MCMBP: variants seen among roughly 807,000 people sequenced by gnomAD.
MCMBP encodes the protein mini-chromosome maintenance complex-binding protein.
A neutral mutation model predicts 81.3 loss-of-function variants in MCMBP; 31 were observed. The observed-to-expected ratio is 0.38, with a 90% CI of 0.29 to 0.51. The LOEUF (loss-of-function observed/expected upper bound fraction) is 0.51. MCMBP is among the 20% of genes least tolerant of loss of function. The pLI, the probability that MCMBP is intolerant of heterozygous loss-of-function variation, is 0.87. For missense variants in MCMBP, 645 were observed against 772.1 expected (o/e 0.84, Z 1.95); for synonymous variants, 267 against 275.9 (o/e 0.97, Z 0.32).
chr10:119,859,560 C>T (rs1853176096), intron 2 of MCMBP, among the ~76,000 whole-genome samples: 2 of 152,088 alleles, frequency 1.3e-5, no homozygotes, highest in Non-Finnish European at 2.9e-5. Context: ...ACTCTTGCAA[C>T]TAAAGATTTG....
chr10:119,850,855 T>G (rs1852794395), intron 6 of MCMBP, among the ~76,000 whole-genome samples: 1 of 148,958 alleles, frequency 6.7e-6, no homozygotes, highest in African/African-American at 2.5e-5. Flanking sequence ...AAGTAGAGGC[T>G]AAAAGGTATA....
chr10:119,857,144 AT>A (rs1249543932), intron 5 of MCMBP, among the ~76,000 whole-genome samples, 193 bp downstream of exon 5: 1 of 151,570 alleles, frequency 6.6e-6, no homozygotes, highest in Non-Finnish European at 1.5e-5. Flanking sequence ...TTTTAACAGT[AT>A]TTCACTATAG....
At chr10:119,833,488 GAAAGAAAAAA>G (rs1852122720) in intron 14 of MCMBP, among the ~76,000 whole-genome samples, 2 of 149,862 alleles carry the variant, frequency 1.3e-5, no homozygotes, top group Non-Finnish European at 3.0e-5. Flanking sequence ...AAAAAAAAAA[GAAAGAAAAAA>G]AAAGAAAAGA....
intron 1 of MCMBP, among the ~76,000 whole-genome samples, chr10:119,864,677 T>C (rs890958828): frequency 1.3e-5 from 2 of 152,032 alleles, no homozygotes; most frequent in Non-Finnish European, 2.9e-5. Flanking sequence ...TTCTTTCTTC[T>C]GTTTAATTTG....
intron 7 of MCMBP, among the ~76,000 whole-genome samples, chr10:119,848,429 T>C (rs377491010): frequency 1.3e-5 from 2 of 151,916 alleles, no homozygotes. Flanking sequence ...CTGGCCAACA[T>C]AGTGAAACCC....
intron 9 of MCMBP, chr10:119,842,861 C>T (rs1454229004): frequency 7.8e-6 from 3 of 383,146 alleles, no homozygotes; most frequent in Non-Finnish European, 1.5e-5. Context: ...GCCTCCAGTT[C>T]TCCTGCCTCA....
At chr10:119,870,379 G>A (rs558058831) in intron 1 of MCMBP, among the ~76,000 whole-genome samples, 95 of 152,170 alleles carry the variant, frequency 6.2e-4, no homozygotes, top group African/African-American at 2.1e-3. Flanking sequence ...CCCAGGAGGC[G>A]GAGGTTGCAG....
Position 119,857,351 on chromosome 10 carries a change from G to A in MCMBP, c.416C>T (p.Thr139Met), listed in dbSNP as rs142836542. Residue 139 changes from threonine to methionine, a missense_variant, in exon 5 of 16, where the codon ACG becomes ATG. Physicochemically the swap from Thr to Met is moderately conservative, Grantham distance 81 (BLOSUM62 -1). Transcript: ENST00000369077. ...FYCVPVPGES[T>M]WVKEAYVNAN... Reference sequence around the variant, plus strand: ...GATAAAGGATATTTCTTTTACCCACGTAGATTCCCCAGGCACCGGAACACA... The same window carrying A: ...GATAAAGGATATTTCTTTTACCCACATAGATTCCCCAGGCACCGGAACACA... 226 of 1,608,002 alleles carry A rather than the reference G, an allele frequency of 1.4e-4. No individual in the cohort carries two copies. Among genetic ancestry groups the A allele is most frequent in the South Asian group, 2.0e-4 (18 of 90,552 alleles).
In MCMBP at chr10:119,840,856, T is replaced by C; in HGVS notation, c.1229A>G (p.His410Arg). Residue 410 changes from histidine (H) to arginine (R), a missense_variant, in exon 11 of 16, where the codon CAT becomes CGT. By Grantham distance (29) the His-to-Arg change is conservative. Coordinates refer to ENST00000369077, the MANE Select transcript of MCMBP (RefSeq NM_001256378.2). ...TATTCATCTTACTGCTGGAACAAGA[T>C]GTTGAATAATTCGATACAAGTGTTC... is the stretch of plus-strand genomic sequence containing the variant. ...FTEHLYRIIQ[H>R]LVPASFRLQM... 1 of 1,591,230 alleles carries C rather than the reference T, an allele frequency of 6.3e-7. No homozygotes were observed. The highest frequency in any genetic ancestry group is 8.6e-7 in the Non-Finnish European group (1 of 1,168,328).
Position 119,838,629 on chromosome 10 carries a change from G to A in MCMBP, c.1314C>T (p.Ala438=). 1.2e-6 allele frequency: 2 copies of A among 1,614,110 alleles called. No homozygotes were observed. The highest frequency in any genetic ancestry group is 1.7e-6 in the Non-Finnish European group (2 of 1,179,994). The change falls in exon 12 of 16, where the codon GCC becomes GCT. Residue 438 remains alanine, a synonymous_variant. Transcript: ENST00000369077. The part of the protein sequence containing the change: ...LKFIPHKDYT[A]NRLVSGLLQL... ...GGAGGAGCCCACTGACCAAGCGATT[G>A]GCTGTGTAGTCTTTGTGGGGAATGA...
At chr10:119,868,150 C>A (rs900148539) in intron 1 of MCMBP, among the ~76,000 whole-genome samples, 1 of 152,120 alleles carries the variant, frequency 6.6e-6, no homozygotes, top group Non-Finnish European at 1.5e-5. Context: ...AGAGGCTGGG[C>A]GCAGCAGCTC....
At chr10:119,843,925 G>A (rs1266300958) in intron 8 of MCMBP, among the ~76,000 whole-genome samples, 1 of 152,028 alleles carries the variant, frequency 6.6e-6, no homozygotes, top group Non-Finnish European at 1.5e-5. Flanking sequence ...GCCTCTCAAA[G>A]TGCTGGGATT....
At chr10:119,857,579 C>A in intron 4 of MCMBP, 140 bp from the exon 5 acceptor site, 1 of 521,352 alleles carries the variant, frequency 1.9e-6, no homozygotes. Flanking sequence ...TAATTCCAAA[C>A]TATTACTTTT....
chr10:119,832,082 CAA>C lies in MCMBP; in HGVS notation c.1724_1725del (p.Phe575CysfsTer14). 6.2e-7 allele frequency: 1 copy of C among 1,612,902 alleles called. No homozygotes were observed. The highest frequency in any genetic ancestry group is 8.5e-7 in the Non-Finnish European group (1 of 1,179,720). ...TGAGGGTCGTTCTTCCGCATTTCCA[CAA>C]AGTCATCTTCAACTGCCTTTATCAA... ...DEITKAVEDD[F>X]VEMRKNDPQS... On this transcript the variant is annotated frameshift_variant, in exon 15 of 16. Coordinates refer to ENST00000369077, the MANE Select transcript of MCMBP (RefSeq NM_001256378.2). LOFTEE classifies it high-confidence loss of function.
At chr10:119,834,737 T>TACTCAGGGCTGAA (rs1554900224) in intron 14 of MCMBP, among the ~76,000 whole-genome samples, 27 of 151,392 alleles carry the variant, frequency 1.8e-4, no homozygotes, top group Admixed American at 5.9e-4. Flanking sequence ...GGCACATGCC[T>TACTCAGGGCTGAA]GTGGTCCCAA....
At chr10:119,839,514 C>G (rs1852360016) in intron 11 of MCMBP, among the ~76,000 whole-genome samples, 2 of 152,014 alleles carry the variant, frequency 1.3e-5, no homozygotes, top group Non-Finnish European at 2.9e-5. Context: ...AATGACCTAC[C>G]ATGTATTAAT....
chr10:119,843,508 ATTAGAG>A (rs1484663280), intron 8 of MCMBP, 82 bp from the exon 9 acceptor site: 7 of 1,377,010 alleles, frequency 5.1e-6, no homozygotes, highest in Non-Finnish European at 6.9e-6. Flanking sequence ...GGAAAACAAA[ATTAGAG>A]TTAAAGCCAA....
rs1243584697 is a variant in MCMBP at position 119,866,599 on chromosome 10, C to A, written c.58+5928G>T. Among the ~76,000 whole-genome samples the A allele has an allele frequency of 2.6e-5, 4 of 151,980 alleles. 1 individual carries two copies. The highest frequency in any genetic ancestry group is 1.3e-4 in the Admixed American group (2 of 15,258). ...CAAGTTTGCACCACTGCACTCCAGC[C>A]TGGGCAACAGAGTGAGACTCCGTCT... On this transcript the variant is annotated intron_variant, in intron 1 of 15. Transcript: ENST00000369077.
chr10:119,869,109 GGAAA>G (rs1853573671), intron 1 of MCMBP, among the ~76,000 whole-genome samples: 1 of 152,218 alleles, frequency 6.6e-6, no homozygotes, highest in South Asian at 2.1e-4. Flanking sequence ...CCAGCGTCCA[GGAAA>G]GAGACTACGA....
Sources: gnomAD v4.1 joint callset for allele counts (sites outside exome capture counted in the v4.1 genomes callset) on GRCh38, gnomAD v4.1.1 for gene constraint, MANE v1.5 for transcripts, NCBI Gene and HGNC (gene_info 2026-07-23, HGNC 2026-07-21) for gene names.